Variants in SYNJ1 observed in about 807,000 individuals in gnomAD.
SYNJ1 encodes synaptojanin 1.
In SYNJ1, 78 loss-of-function variants were observed where a neutral mutation model predicts 168.2. That is an observed-to-expected ratio of 0.46 (90% CI 0.39 to 0.56). The LOEUF (loss-of-function observed/expected upper bound fraction) is 0.56. Ranked by LOEUF, SYNJ1 falls within the 20% of genes least tolerant of loss-of-function variation. The pLI is 0.00. For synonymous variants in SYNJ1, 539 were observed against 548.6 expected, an observed-to-expected ratio of 0.98 and a Z score of 0.24; for missense variants, 1,303 against 1,597.6, an observed-to-expected ratio of 0.82 and a Z score of 3.14.
At chr21:32,675,545 A>G (rs2041374339) in intron 13 of SYNJ1, among the ~76,000 whole-genome samples, 1 of 152,196 alleles carries the variant, frequency 6.6e-6, no homozygotes, top group Non-Finnish European at 1.5e-5. Context: ...TTCTCGAGAA[A>G]ATAATCAACA....
At chr21:32,686,296 CTGTT>C (rs917969556) in intron 8 of SYNJ1, among the ~76,000 whole-genome samples, 2 of 152,046 alleles carry the variant, frequency 1.3e-5, no homozygotes, top group African/African-American at 4.8e-5. Flanking sequence ...AAAGTATAAT[CTGTT>C]TATTAACAAT....
intron 2 of SYNJ1, among the ~76,000 whole-genome samples, chr21:32,706,652 G>A (rs1255857059): frequency 1.3e-5 from 2 of 152,034 alleles, no homozygotes; most frequent in African/African-American, 4.8e-5. Flanking sequence ...AGATAAAGAA[G>A]CTTTTATCTC....
chr21:32,701,363 T>C (rs2042394117), intron 3 of SYNJ1, among the ~76,000 whole-genome samples: 1 of 152,168 alleles, frequency 6.6e-6, no homozygotes, highest in African/African-American at 2.4e-5. Flanking sequence ...AGTAAGACTT[T>C]ATCAATGAAG....
rs1197347824 is a variant in SYNJ1 at position 32,662,417 on chromosome 21, C to T, written c.2304+2496G>A. On this transcript the variant is annotated intron_variant, in intron 18 of 32. Transcript: ENST00000674351. ...GAATGCCTAGGAACTTTAAAAGGAA[C>T]GTGTTTATATAATGACACTCAGTAC... 5.9e-5 allele frequency among the ~76,000 whole-genome samples: 9 copies of T among 152,194 alleles called. No homozygotes were observed. The South Asian group carries it at 1.0e-3, about 18-fold the overall frequency.
chr21:32,643,685 TTTC>T (rs1179691830), intron 26 of SYNJ1, among the ~76,000 whole-genome samples: 2 of 152,220 alleles, frequency 1.3e-5, no homozygotes, highest in Non-Finnish European at 2.9e-5. Flanking sequence ...GGATGACAGT[TTTC>T]TTTTTATGTA....
intron 3 of SYNJ1, among the ~76,000 whole-genome samples, chr21:32,700,616 T>C (rs577419559): frequency 7.9e-5 from 12 of 152,096 alleles, no homozygotes; most frequent in African/African-American, 1.7e-4. Flanking sequence ...GATCACACCA[T>C]TGCACTCCAG....
At position 32,631,362 on chromosome 21, in the gene SYNJ1, C is replaced by T. The variant is rs532034867; in HGVS notation, c.*443G>A. 308 of 1,614,162 alleles carry T rather than the reference C, an allele frequency of 1.9e-4. No individual in the cohort carries two copies. The highest frequency in any genetic ancestry group is 1.1e-4 in the East Asian group (5 of 44,882). ...GCCATCAAGTGAAGATGAAGCCCTGCTTTTGTTATGACCAAGAGGCTGCAG... is the reference window on the plus strand; with the variant it reads ...GCCATCAAGTGAAGATGAAGCCCTGTTTTTGTTATGACCAAGAGGCTGCAG... On this transcript the variant is annotated 3_prime_UTR_variant, in exon 33 of 33. Coordinates refer to ENST00000674351, the MANE Select transcript of SYNJ1 (RefSeq NM_203446.3).
At chr21:32,636,675 A>G (rs1454055382) in intron 31 of SYNJ1, among the ~76,000 whole-genome samples, 1 of 152,108 alleles carries the variant, frequency 6.6e-6, no homozygotes, top group Non-Finnish European at 1.5e-5. Flanking sequence ...AGGTACAAAA[A>G]GATAGAAAGA....
intron 6 of SYNJ1, 91 bp downstream of exon 6, chr21:32,694,135 ACC>A: frequency 1.2e-6 from 1 of 813,760 alleles, no homozygotes; most frequent in Non-Finnish European, 1.8e-6. Flanking sequence ...GAATAATGGA[ACC>A]ATCAATGAAT....
chr21:32,698,251 C>T (rs2042280369), intron 4 of SYNJ1, among the ~76,000 whole-genome samples: 1 of 152,076 alleles, frequency 6.6e-6, no homozygotes, highest in Admixed American at 6.5e-5. Flanking sequence ...TCCCTGATGC[C>T]ACCACTCTGG....
intron 30 of SYNJ1, 94 bp from the exon 31 acceptor site, chr21:32,639,219 TTTC>T (rs2039718701): frequency 8.5e-7 from 1 of 1,182,904 alleles, no homozygotes; most frequent in South Asian, 1.6e-5. Context: ...ATTCTAGTTA[TTTC>T]TTCCCCCAAT....
At chr21:32,723,136 G>A (rs1244614761) in intron 2 of SYNJ1, among the ~76,000 whole-genome samples, 6 of 152,176 alleles carry the variant, frequency 3.9e-5, no homozygotes, top group South Asian at 2.1e-4. Context: ...GAATCCTATC[G>A]ACATAAAGAC....
At position 32,684,053 on chromosome 21, in the gene SYNJ1, T is replaced by C; in HGVS notation, c.1185A>G (p.Ala395=). 1 of 1,613,630 alleles carries C rather than the reference T, an allele frequency of 6.2e-7. No individual in the cohort carries two copies. Among genetic ancestry groups the C allele is most frequent in the Non-Finnish European group, 8.5e-7 (1 of 1,179,718 alleles). The change falls in exon 10 of 33, where the codon GCA becomes GCG. Residue 395 remains alanine (A), a synonymous_variant. Transcript: ENST00000674351. ...ATTCTTTTACCTCTAAGCCAAGAAATGCCTGCACACTATTTGTTCTATCAA... is the reference window on the plus strand; with the variant it reads ...ATTCTTTTACCTCTAAGCCAAGAAACGCCTGCACACTATTTGTTCTATCAA... ...DCLDRTNSVQ[A]FLGLEMLAKQ...
At chr21:32,637,016 G>T (rs763982713) in intron 31 of SYNJ1, among the ~76,000 whole-genome samples, 19 of 152,064 alleles carry the variant, frequency 1.2e-4, no homozygotes, top group Non-Finnish European at 2.4e-4. Context: ...TAAAACAATG[G>T]AAAGTTTTCT....
intron 4 of SYNJ1, among the ~76,000 whole-genome samples, chr21:32,696,985 A>G (rs2042235050): frequency 6.6e-6 from 1 of 152,234 alleles, no homozygotes; most frequent in Non-Finnish European, 1.5e-5. Context: ...GTGACCCAGT[A>G]TGTCCAACCA....
intron 15 of SYNJ1, among the ~76,000 whole-genome samples, chr21:32,668,951 A>G (rs561284084): frequency 4.4e-4 from 67 of 152,272 alleles, no homozygotes; most frequent in Middle Eastern, 3.4e-3. Flanking sequence ...ACCAAACTAT[A>G]CTAGTCATCA....
In SYNJ1 at chr21:32,650,224, A is replaced by G. The variant is rs111774827; in HGVS notation, c.2997T>C (p.Leu999=). 5.5e-5 allele frequency: 88 copies of G among 1,610,782 alleles called. No homozygotes were observed. In the African/African-American group the frequency reaches 9.4e-4, roughly 17 times the overall value. Residue 999 remains leucine (L), a synonymous_variant, in exon 23 of 33, where the codon CTT becomes CTC. Coordinates refer to ENST00000674351, the MANE Select transcript of SYNJ1 (RefSeq NM_203446.3). The stretch of plus-strand genomic sequence containing the variant: ...CTGCTGCAACCTCTGCATCTTCACC[A>G]AGCAGGGTAGAGCTTGTTGATGATG... ...ALPSSTSSTL[L]GEDAEVAADF...
intron 14 of SYNJ1, chr21:32,670,956 G>A: frequency 2.8e-6 from 1 of 354,112 alleles, no homozygotes; most frequent in Non-Finnish European, 3.9e-6. Flanking sequence ...GCCTGAGAAA[G>A]CAGCCCAGGG....
At position 32,699,767 on chromosome 21, in the gene SYNJ1, G is replaced by A. The variant is rs2042333699; in HGVS notation, c.479+71C>T. On this transcript the variant is annotated intron_variant, in intron 4 of 32. Coordinates refer to ENST00000674351, the MANE Select transcript of SYNJ1 (RefSeq NM_203446.3). ...TCCTTTCTTGCTGTCACGGTGAGGAGGTTTTTGATGACTGAACAACTGCTG... is the reference window on the plus strand; with the variant it reads ...TCCTTTCTTGCTGTCACGGTGAGGAAGTTTTTGATGACTGAACAACTGCTG... The A allele has an allele frequency of 3.3e-6, 5 of 1,533,988 alleles. No individual in the cohort carries two copies. The East Asian group carries it at 9.0e-5, about 28-fold the overall frequency.
Sources: allele counts gnomAD v4.1 joint callset (sites outside exome capture counted in the v4.1 genomes callset), GRCh38; gene constraint gnomAD v4.1.1; transcripts MANE v1.5; gene names NCBI Gene and HGNC (gene_info 2026-07-23, HGNC 2026-07-21).